PTPRF: variants seen among roughly 807,000 people sequenced by gnomAD.
The protein encoded by PTPRF is receptor-type tyrosine-protein phosphatase F.
A neutral mutation model predicts 201.8 loss-of-function variants in PTPRF; 59 were observed. The observed-to-expected ratio is 0.29, with a 90% CI of 0.24 to 0.36. The LOEUF is 0.36. PTPRF is among the 10% of genes least tolerant of loss of function. The pLI is 1.00. For missense variants in PTPRF, 2,132 were observed against 2,690.5 expected (o/e 0.79, Z 4.59); for synonymous variants, 1,088 against 1,089.7 (o/e 1.00, Z 0.03).
rs144175107 is a variant in PTPRF at position 43,553,642 on chromosome 1, G to A, written c.237+5G>A. On this transcript the variant is annotated splice_donor_5th_base_variant and intron_variant, in intron 4 of 33. Transcript: ENST00000359947. The surrounding 1 kb of genome is among the most constrained non-coding windows in gnomAD (Gnocchi z 4.1). ...GTCAGCTCCCAGCGCTTCGAGGTGC[G>A]TCTGTGGTGGGAAGGGGTCGGCAGG... is the stretch of plus-strand genomic sequence containing the variant. 3,903 of 1,614,040 alleles carry A rather than the reference G, an allele frequency of 2.4e-3. 6 individuals carry two copies. Among genetic ancestry groups the A allele is most frequent in the Non-Finnish European group, 2.6e-3 (3,106 of 1,179,986 alleles).
chr1:43,608,911 G>A (rs947703023), intron 21 of PTPRF, among the ~76,000 whole-genome samples: 9 of 152,180 alleles, frequency 5.9e-5, no homozygotes, highest in South Asian at 2.1e-4. Flanking sequence ...CTAGGGTGAC[G>A]CCTTTCCCGT....
At chr1:43,526,526 G>A (rs1473378419), upstream of PTPRF, among the ~76,000 whole-genome samples, 1 of 152,082 alleles carries the variant, frequency 6.6e-6, no homozygotes, top group African/African-American at 2.4e-5. Context: ...ACCTGAGAAA[G>A]TAAATAGGCC....
At chr1:43,587,287 A>G (rs1276036244) in intron 7 of PTPRF, among the ~76,000 whole-genome samples, 1 of 152,210 alleles carries the variant, frequency 6.6e-6, no homozygotes, top group Non-Finnish European at 1.5e-5. Context: ...ACAACAAGGC[A>G]GGAGGACTGA....
rs917833535 is a variant in PTPRF at position 43,573,247 on chromosome 1, C to T, written c.568+3469C>T. ...AGTTGTGAGCAGGGGCTCAGAGCCC[C>T]TGCTGGGTCCTGAGAGGAGCTGTTG... On this transcript the variant is annotated intron_variant, in intron 6 of 33. Transcript: ENST00000359947. 4.5e-4 allele frequency among the ~76,000 whole-genome samples: 69 copies of T among 152,258 alleles called. 1 individual carries two copies. Among genetic ancestry groups the T allele is most frequent in the Non-Finnish European group, 5.9e-5 (4 of 68,016 alleles).
In PTPRF at chr1:43,578,934, C is replaced by T. The variant is rs1570239388; in HGVS notation, c.679+14C>T. The T allele has an allele frequency of 1.2e-6, 2 of 1,611,952 alleles. No individual in the cohort carries two copies. Among genetic ancestry groups the T allele is most frequent in the East Asian group, 4.5e-5 (2 of 44,862 alleles). The stretch of plus-strand genomic sequence containing the variant: ...TGTATGTGCGAGGTAAGGACTCAGG[C>T]AGTGCCTGGCCCCTGTCACCACAGA... On this transcript the variant is annotated intron_variant, in intron 7 of 33. Transcript: ENST00000359947.
Position 43,605,453 on chromosome 1 carries a change from C to G in PTPRF, c.3389+10C>G, listed in dbSNP as rs766027557. 6.2e-6 allele frequency: 10 copies of G among 1,610,006 alleles called. No individual in the cohort carries two copies. The African/African-American group carries it at 8.0e-5, about 13-fold the overall frequency. On this transcript the variant is annotated intron_variant, in intron 18 of 33. Transcript: ENST00000359947. ...ACCCCTCGCTTGTCAGGTGTGCACA[C>G]GAGGTATCGGGGGAGGCGGGGCAGG...
At chr1:43,589,139 G>T in intron 8 of PTPRF, 139 bp downstream of exon 8, 1 of 1,042,488 alleles carries the variant, frequency 9.6e-7, no homozygotes. Flanking sequence ...CTGCCCTGGG[G>T]TCCTCCAGCC....
intron 30 of PTPRF, 24 bp from the exon 31 acceptor site, chr1:43,620,429 TG>T: frequency 6.3e-7 from 1 of 1,597,692 alleles, no homozygotes; most frequent in East Asian, 2.2e-5. Flanking sequence ...CACCTGATTA[TG>T]GGGGCCCGAC....
In PTPRF at chr1:43,591,864, C is replaced by T. The variant is rs2304354; in HGVS notation, c.1584C>T (p.Ile528=). The T allele has an allele frequency of 1.7e-4, 281 of 1,613,550 alleles. 2 individuals are homozygous for T. The East Asian group carries it at 6.2e-3, about 35-fold the overall frequency. Residue 528 remains isoleucine (I), a synonymous_variant, in exon 10 of 34, where the codon ATC becomes ATT. Transcript: ENST00000359947. ...CCGAGGTGGAGTCGGACACCAGGAT[C>T]CAGCTCTCGTGGCTGCTGCCCCCTC... ...FQAEVESDTR[I]QLSWLLPPQE...
intron 21 of PTPRF, among the ~76,000 whole-genome samples, 155 bp downstream of exon 21, chr1:43,607,123 G>T (rs575310054): frequency 1.3e-5 from 2 of 152,362 alleles, no homozygotes; most frequent in East Asian, 1.9e-4. Flanking sequence ...AGCAGTGTGT[G>T]TGCCTACCTG....
intron 14 of PTPRF, among the ~76,000 whole-genome samples, chr1:43,602,891 C>G (rs1654113940): frequency 6.6e-6 from 1 of 152,168 alleles, no homozygotes; most frequent in South Asian, 2.1e-4. Context: ...TAGACATTCA[C>G]AGAGTTAGTG....
chr1:43,545,083 C>T lies in PTPRF; in HGVS notation c.8C>T (p.Pro3Leu), dbSNP rs1445843642. 1 of 1,578,086 alleles carries T rather than the reference C, an allele frequency of 6.3e-7. No homozygotes were observed. ...GTGGAGCTAGAGCCCTGGATGGCCCCTGAGCCAGCCCCAGGGAGGACGATG... is the reference window on the plus strand; with the variant it reads ...GTGGAGCTAGAGCCCTGGATGGCCCTTGAGCCAGCCCCAGGGAGGACGATG... MA[P>L]EPAPGRTMVP... Residue 3 changes from proline to leucine, a missense_variant, in exon 3 of 34, where the codon CCT (proline) becomes CTT (leucine). By Grantham distance (98) the Pro-to-Leu change is moderately conservative (BLOSUM62 -3). Coordinates refer to ENST00000359947, the MANE Select transcript of PTPRF (RefSeq NM_002840.5).
intron 5 of PTPRF, among the ~76,000 whole-genome samples, chr1:43,556,911 G>T (rs542313840): frequency 1.3e-5 from 2 of 152,220 alleles, no homozygotes; most frequent in Non-Finnish European, 2.9e-5. Context: ...CCCACGGGGG[G>T]ACATACCTGT....
chr1:43,559,906 T>C (rs531758501), intron 5 of PTPRF, among the ~76,000 whole-genome samples: 84 of 148,118 alleles, frequency 5.7e-4, no homozygotes, highest in African/African-American at 1.9e-3. Context: ...TGTGTGTGTG[T>C]GCGCGCGTGT....
intron 30 of PTPRF, 33 bp downstream of exon 30, chr1:43,620,254 A>T: frequency 6.2e-7 from 1 of 1,611,410 alleles, no homozygotes; most frequent in Non-Finnish European, 8.5e-7. Context: ...GGCCCCTGTC[A>T]TACCTGGGAG....
Position 43,604,131 on chromosome 1 carries a change from C to T in PTPRF, c.2979C>T (p.Ser993=). 1 of 1,614,202 alleles carries T rather than the reference C, an allele frequency of 6.2e-7. No individual in the cohort carries two copies. Among genetic ancestry groups the T allele is most frequent in the Non-Finnish European group, 8.5e-7 (1 of 1,180,056 alleles). ...ACATCAAGGTCCGCGCATGGACCAG[C>T]AAAGGCTCTGGCCCACTCAGCCCCA... is the stretch of plus-strand genomic sequence containing the variant. ...TYDIKVRAWT[S]KGSGPLSPSI... is the part of the protein sequence containing the mutation. Residue 993 remains serine (S), a synonymous_variant, in exon 16 of 34, where the codon AGC becomes AGT. Transcript: ENST00000359947.
chr1:43,582,541 T>C (rs1647968623), intron 7 of PTPRF: 1 of 151,062 alleles, frequency 6.6e-6, no homozygotes, highest in Non-Finnish European at 1.5e-5. Context: ...GTGCCAGGAC[T>C]ACCAGCCTTC....
rs1644085735 is a variant in PTPRF, at chr1:43,537,323, TTATAG to T, written c.-125-874_-125-870del. On this transcript the variant is annotated intron_variant, in intron 1 of 33. Transcript: ENST00000359947. This position sits in a 1 kb window ranked among gnomAD's most constrained non-coding sequence, Gnocchi z 4.8. ...CAGGGGCACGCCTTCATTTTAAAAA[TTATAG>T]AGTAGAGAAAGTCAAAAATAAATAT... Among the ~76,000 whole-genome samples the T allele has an allele frequency of 6.6e-6, 1 of 152,168 alleles. No homozygotes were observed.
At chr1:43,606,560 T>C in intron 20 of PTPRF, 102 bp downstream of exon 20, 1 of 1,250,488 alleles carries the variant, frequency 8.0e-7, no homozygotes, top group Non-Finnish European at 1.1e-6. Context: ...TTTATCAGTT[T>C]GGGGGCTTCG....
Sources: gnomAD v4.1 joint callset for allele counts (sites outside exome capture counted in the v4.1 genomes callset) on GRCh38, gnomAD v4.1.1 for gene constraint, Gnocchi (gnomAD v3.1) non-coding constraint, MANE v1.5 for transcripts, NCBI Gene and HGNC (gene_info 2026-07-23, HGNC 2026-07-21) for gene names.